GPHN: variants seen among roughly 807,000 people sequenced by gnomAD.
GPHN encodes the protein gephyrin.
In GPHN, 17 loss-of-function variants were observed where a neutral mutation model predicts 95.5. That is an observed-to-expected ratio of 0.18 (90% CI 0.12 to 0.27). The LOEUF is 0.27. Ranked by LOEUF, GPHN falls within the 10% of genes least tolerant of loss-of-function variation. The probability of loss-of-function intolerance (pLI) is 1.00; values close to 1 mark genes in which losing one functional copy is unlikely to be tolerated. For missense variants in GPHN, 660 were observed against 978.1 expected (o/e 0.67, Z 4.34); for synonymous variants, 320 against 322.5 (o/e 0.99, Z 0.08).
chr14:67,709,678 A>G, the GPHN span, among the ~76,000 whole-genome samples: 20,321 of 152,142 alleles, frequency 0.13, 1,398 homozygotes, highest in East Asian at 0.21. Context: ...TCAGGAATAC[A>G]GTTTATTTTG....
At chr14:67,452,506 ATGTCT>A in the GPHN span, among the ~76,000 whole-genome samples, 2 of 152,278 alleles carry the variant, frequency 1.3e-5, no homozygotes, top group East Asian at 3.9e-4. Context: ...AGTCTCCGCT[ATGTCT>A]TTATCAGCAG....
chr14:67,445,983 G>A, the GPHN span: 1 of 492,220 alleles, frequency 2.0e-6, no homozygotes, highest in Admixed American at 2.1e-5. Flanking sequence ...GTAAGAAACA[G>A]TTCAAAAAAT....
intron 5 of GPHN, among the ~76,000 whole-genome samples, chr14:66,891,265 T>A (rs1183677929): frequency 6.6e-6 from 1 of 152,152 alleles, no homozygotes; most frequent in Non-Finnish European, 1.5e-5. Flanking sequence ...AAAATCAGTC[T>A]TATTTTTATA....
the GPHN span, among the ~76,000 whole-genome samples, chr14:67,361,075 A>C: frequency 2.0e-5 from 3 of 152,216 alleles, no homozygotes; most frequent in Non-Finnish European, 2.9e-5. Flanking sequence ...GACAATGAGA[A>C]TAGAACTGTG....
intron 1 of GPHN, among the ~76,000 whole-genome samples, chr14:66,617,081 A>T (rs6573690): frequency 6.6e-6 from 1 of 152,174 alleles, no homozygotes; most frequent in African/African-American, 2.4e-5. Flanking sequence ...TGGGGGAAGC[A>T]CGTTGTCTGG....
At chr14:67,184,802 G>C (rs2083360452), downstream of GPHN, among the ~76,000 whole-genome samples, 2 of 152,158 alleles carry the variant, frequency 1.3e-5, no homozygotes, top group Non-Finnish European at 2.9e-5. Flanking sequence ...TGAAATGCAA[G>C]GGTGGATGGA....
At chr14:67,380,571 A>G in the GPHN span, 372 of 588,566 alleles carry the variant, frequency 6.3e-4, 3 homozygotes, top group African/African-American at 6.6e-3. Flanking sequence ...ATGCTTAACT[A>G]TTATATGCAT....
chr14:66,786,609 C>T (rs772378933), intron 3 of GPHN, among the ~76,000 whole-genome samples: 6 of 151,936 alleles, frequency 3.9e-5, no homozygotes, highest in Non-Finnish European at 8.8e-5. Flanking sequence ...GTATCTCTTA[C>T]GAACTAAAAT....
intron 1 of GPHN, among the ~76,000 whole-genome samples, chr14:66,632,612 C>T (rs951343546): frequency 1.1e-4 from 16 of 151,510 alleles, no homozygotes; most frequent in African/African-American, 3.9e-4. Flanking sequence ...TCTGCCTCAG[C>T]CTCCTGAGTA....
chr14:67,644,950 A>G, the GPHN span, among the ~76,000 whole-genome samples: 5 of 151,258 alleles, frequency 3.3e-5, no homozygotes, highest in Admixed American at 2.6e-4. Flanking sequence ...GTGAGCTGAG[A>G]TTGCGCCACT....
At chr14:67,047,366 GTT>G (rs1196897917) in intron 10 of GPHN, among the ~76,000 whole-genome samples, 2 of 108,778 alleles carry the variant, frequency 1.8e-5, no homozygotes, top group African/African-American at 3.3e-5. Context: ...GTGTGTGTTT[GTT>G]TTTTTTTTTT....
chr14:67,587,114 AT>A, the GPHN span: 7 of 1,613,594 alleles, frequency 4.3e-6, no homozygotes, highest in South Asian at 1.1e-5. Context: ...TATATGAACC[AT>A]TGCACTACAA....
chr14:66,708,693 T>G (rs1438343789), intron 2 of GPHN, among the ~76,000 whole-genome samples: 1 of 152,130 alleles, frequency 6.6e-6, no homozygotes, highest in Admixed American at 6.5e-5. Flanking sequence ...ATTTGCCAGA[T>G]CCTGTTTTAG....
the GPHN span, among the ~76,000 whole-genome samples, chr14:67,632,808 A>ATTTTTTTT: frequency 3.2e-5 from 2 of 62,358 alleles, no homozygotes; most frequent in Non-Finnish European, 5.6e-5. Context: ...AAGCCTCTTA[A>ATTTTTTTT]TTTTTTTTTT....
the GPHN span, chr14:67,727,108 G>A: frequency 1.1e-5 from 18 of 1,614,122 alleles, no homozygotes; most frequent in Admixed American, 1.7e-4. Context: ...AGAGCGAGAA[G>A]CGCTACAGCA....
At chr14:66,617,650 C>T (rs1288687126) in intron 1 of GPHN, among the ~76,000 whole-genome samples, 1 of 152,172 alleles carries the variant, frequency 6.6e-6, no homozygotes, top group Non-Finnish European at 1.5e-5. Context: ...TTCTACTCTG[C>T]CATCTAGATA....
intron 2 of GPHN, among the ~76,000 whole-genome samples, chr14:66,736,347 C>T (rs183707849): frequency 8.6e-4 from 130 of 150,958 alleles, no homozygotes; most frequent in African/African-American, 3.0e-3. Flanking sequence ...TAAGTACTAC[C>T]GAGTTAGATT....
intron 2 of GPHN, among the ~76,000 whole-genome samples, chr14:66,753,424 A>C (rs1019846615): frequency 2.0e-5 from 3 of 152,032 alleles, no homozygotes; most frequent in African/African-American, 7.2e-5. Flanking sequence ...GCACAGATTT[A>C]GGATAAATAA....
chr14:67,538,906 A>G, the GPHN span, among the ~76,000 whole-genome samples: 98 of 152,316 alleles, frequency 6.4e-4, 1 homozygote, highest in East Asian at 0.016. Context: ...CACCAGTGAC[A>G]TATTTCCAAA....
Sources: allele counts gnomAD v4.1 joint callset (sites outside exome capture counted in the v4.1 genomes callset), GRCh38; gene constraint gnomAD v4.1.1; transcripts MANE v1.5; gene names NCBI Gene and HGNC (gene_info 2026-07-23, HGNC 2026-07-21).